Variants in ACER3 observed in about 807,000 individuals in gnomAD.
ACER3 encodes alkCDase 3.
In ACER3, 16 loss-of-function variants were observed where a neutral mutation model predicts 48.9. That is an observed-to-expected ratio of 0.33 (90% confidence interval 0.22 to 0.50). The LOEUF (loss-of-function observed/expected upper bound fraction) is 0.50, where lower values mean the gene tolerates loss of function less well. ACER3 is among the 20% of genes least tolerant of loss of function. ACER3 has a pLI of 0.98. For synonymous variants in ACER3, 109 were observed against 107.8 expected (o/e 1.01, Z -0.07); for missense variants, 227 against 326.0 (o/e 0.70, Z 2.34).
intron 7 of ACER3, among the ~76,000 whole-genome samples, chr11:77,011,887 A>T (rs1031074321): frequency 6.6e-5 from 10 of 152,184 alleles, no homozygotes; most frequent in Non-Finnish European, 1.0e-4. Context: ...ATGTTCTAAA[A>T]CAAAACAAAA....
chr11:76,868,637 C>T (rs1945165068), intron 1 of ACER3, among the ~76,000 whole-genome samples: 2 of 152,168 alleles, frequency 1.3e-5, no homozygotes, highest in South Asian at 2.1e-4. Context: ...GAGAGTCCTG[C>T]CTCATACCCT....
At chr11:76,934,953 T>C (rs1206881606) in intron 2 of ACER3, among the ~76,000 whole-genome samples, 1 of 152,184 alleles carries the variant, frequency 6.6e-6, no homozygotes, top group Non-Finnish European at 1.5e-5. Flanking sequence ...AGAAGGAAGA[T>C]GTAATACAAT....
At chr11:76,878,978 C>T (rs1057103207) in intron 1 of ACER3, among the ~76,000 whole-genome samples, 5 of 152,040 alleles carry the variant, frequency 3.3e-5, no homozygotes, top group Admixed American at 2.0e-4. Flanking sequence ...TGTGAAGTAT[C>T]TTTTCAAATC....
At chr11:76,901,925 G>A (rs1361878623) in intron 1 of ACER3, among the ~76,000 whole-genome samples, 1 of 152,026 alleles carries the variant, frequency 6.6e-6, no homozygotes, top group Admixed American at 6.6e-5. Context: ...TTCTTTGGAG[G>A]CAGAAATTGG....
At chr11:76,879,028 TG>T (rs1000333055) in intron 1 of ACER3, among the ~76,000 whole-genome samples, 3 of 152,262 alleles carry the variant, frequency 2.0e-5, no homozygotes, top group Non-Finnish European at 4.4e-5. Context: ...TTTTTATCAT[TG>T]AGTAATAGGG....
intron 1 of ACER3, among the ~76,000 whole-genome samples, chr11:76,863,556 T>C (rs2134483524): frequency 6.6e-6 from 1 of 152,306 alleles, no homozygotes; most frequent in East Asian, 1.9e-4. Context: ...TAAGATAATT[T>C]GATCTTTGAA....
At chr11:76,991,616 G>A (rs1240688879) in intron 6 of ACER3, among the ~76,000 whole-genome samples, 1 of 151,918 alleles carries the variant, frequency 6.6e-6, no homozygotes, top group Non-Finnish European at 1.5e-5. Flanking sequence ...AGGTGTTCGA[G>A]ATCAGCCTGG....
At chr11:76,961,111 G>A (rs916003450) in intron 3 of ACER3, among the ~76,000 whole-genome samples, 2 of 151,934 alleles carry the variant, frequency 1.3e-5, no homozygotes, top group African/African-American at 4.8e-5. Flanking sequence ...GAAAAGGAGA[G>A]GTAGCAATGG....
At chr11:76,884,752 T>G (rs1458957278) in intron 1 of ACER3, among the ~76,000 whole-genome samples, 1 of 152,130 alleles carries the variant, frequency 6.6e-6, no homozygotes, top group Non-Finnish European at 1.5e-5. Flanking sequence ...TGGATTCTTA[T>G]TTTTCATTTT....
chr11:76,920,095 G>C (rs1946647287), intron 1 of ACER3, among the ~76,000 whole-genome samples: 1 of 152,178 alleles, frequency 6.6e-6, no homozygotes, highest in Admixed American at 6.5e-5. Context: ...GTTCTGGTGT[G>C]CTGGCTTGGC....
intron 1 of ACER3, among the ~76,000 whole-genome samples, chr11:76,867,173 A>C (rs1226481239): frequency 6.6e-6 from 1 of 152,200 alleles, no homozygotes; most frequent in Non-Finnish European, 1.5e-5. Flanking sequence ...TTCTCTGTTC[A>C]AAGTAGCTGA....
intron 1 of ACER3, among the ~76,000 whole-genome samples, chr11:76,922,534 T>C (rs1565178597): frequency 6.6e-6 from 1 of 152,294 alleles, no homozygotes; most frequent in Admixed American, 6.5e-5. Flanking sequence ...ATACTCTACC[T>C]AGGCAAATTA....
intron 2 of ACER3, among the ~76,000 whole-genome samples, chr11:76,946,811 C>T (rs540728572): frequency 1.1e-4 from 16 of 152,320 alleles, no homozygotes; most frequent in African/African-American, 1.7e-4. Context: ...TGGGATTTCA[C>T]GTTGATTCCC....
chr11:76,894,943 G>A (rs1390373457), intron 1 of ACER3, among the ~76,000 whole-genome samples: 1 of 152,120 alleles, frequency 6.6e-6, no homozygotes, highest in Non-Finnish European at 1.5e-5. Context: ...ATAAATTTTG[G>A]CTTCAGGATA....
intron 2 of ACER3, among the ~76,000 whole-genome samples, chr11:76,946,430 G>A (rs1947475326): frequency 6.6e-6 from 1 of 152,188 alleles, no homozygotes; most frequent in Non-Finnish European, 1.5e-5. Context: ...GAGTAGGAGA[G>A]CTTAGTTTCT....
intron 1 of ACER3, among the ~76,000 whole-genome samples, chr11:76,883,996 A>G (rs1945607279): frequency 6.6e-6 from 1 of 152,174 alleles, no homozygotes; most frequent in Admixed American, 6.5e-5. Flanking sequence ...TAGGATCTCT[A>G]CTGGATACTC....
Position 76,860,950 on chromosome 11 carries a change from C to T in ACER3, c.-27C>T, listed in dbSNP as rs1209946098. On this transcript the variant is annotated 5_prime_UTR_variant, in exon 1 of 11. Transcript: ENST00000532485. ...GCCTAACCCGGCACAGTGAGCGGAG[C>T]GCCTGGGCGGCGGCGGCGGCGGCGT... The T allele has an allele frequency of 5.3e-6, 8 of 1,499,518 alleles. No homozygotes were observed. The highest frequency in any genetic ancestry group is 6.3e-6 in the Non-Finnish European group (7 of 1,116,666). 92.9% of individuals were successfully genotyped at this position (1,499,518 alleles called of 1,614,324 possible).
chr11:76,998,993 A>C (rs879985996), intron 7 of ACER3, among the ~76,000 whole-genome samples, 172 bp downstream of exon 7: 24 of 152,170 alleles, frequency 1.6e-4, no homozygotes, highest in Middle Eastern at 3.2e-3. Flanking sequence ...GTCTTCAGAC[A>C]AGTTGTTAAT....
At chr11:76,931,463 AC>A in intron 2 of ACER3, among the ~76,000 whole-genome samples, 1 of 152,114 alleles carries the variant, frequency 6.6e-6, no homozygotes, top group Non-Finnish European at 1.5e-5. Flanking sequence ...TAGCCCATTT[AC>A]GTTTAAGGTT....
Sources: allele counts gnomAD v4.1 joint callset (sites outside exome capture counted in the v4.1 genomes callset), GRCh38; gene constraint gnomAD v4.1.1; transcripts MANE v1.5; gene names NCBI Gene and HGNC (gene_info 2026-07-23, HGNC 2026-07-21).